The following KAZN variants were observed in gnomAD, a reference collection of about 807,000 sequenced individuals.
KAZN encodes kazrin.
Under a neutral mutation model 87.4 loss-of-function variants are expected in KAZN, and 40 were observed. That is an observed-to-expected ratio of 0.46 (90% CI 0.36 to 0.60). KAZN has a LOEUF of 0.60. KAZN is among the 20% of genes least tolerant of loss of function. The pLI, the probability that KAZN is intolerant of heterozygous loss-of-function variation, is 0.00. For synonymous variants in KAZN, 466 were observed against 458.3 expected, an observed-to-expected ratio of 1.02 and a Z score of -0.22; for missense variants, 898 against 1,073.9, an observed-to-expected ratio of 0.84 and a Z score of 2.29.
intron 2 of KAZN, among the ~76,000 whole-genome samples, chr1:14,211,949 G>A (rs1292116692): frequency 1.3e-5 from 2 of 151,836 alleles, no homozygotes; most frequent in Non-Finnish European, 2.9e-5. Flanking sequence ...CCCCAGCCTG[G>A]TTCCCACATG....
chr1:14,957,715 C>G (rs1036497547), intron 1 of KAZN, among the ~76,000 whole-genome samples: 1 of 152,160 alleles, frequency 6.6e-6, no homozygotes, highest in African/African-American at 2.4e-5. Flanking sequence ...CACAGCTCTG[C>G]GGAGGCCCTG....
intron 2 of KAZN, among the ~76,000 whole-genome samples, chr1:14,412,763 T>C (rs1664409501): frequency 6.6e-6 from 1 of 151,588 alleles, no homozygotes; most frequent in Non-Finnish European, 1.5e-5. Context: ...AAAATAATTT[T>C]TCATGGAAGT....
At position 14,667,806 on chromosome 1, in the gene KAZN, CAA is replaced by C. The variant is rs33915856; in HGVS notation, c.226+68597_226+68598del. On this transcript the variant is annotated intron_variant, in intron 1 of 14. Coordinates refer to ENST00000376030, the MANE Select transcript of KAZN (RefSeq NM_201628.3). ...ACCCTCTTTTATGTAGATGAGTTCTCAAAAAAAAAAAAAAAGAATGAAAATAA... is the reference window on the plus strand; with the variant it reads ...ACCCTCTTTTATGTAGATGAGTTCTCAAAAAAAAAAAAAGAATGAAAATAA... 8.5e-3 allele frequency among the ~76,000 whole-genome samples: 981 copies of C among 115,748 alleles called. 11 individuals carry two copies. The highest frequency in any genetic ancestry group is 0.028 in the African/African-American group (873 of 31,562). 75.9% of individuals were successfully genotyped at this position (115,748 alleles called of 152,430 possible). A position where few individuals can be genotyped will look rare whatever the true frequency, so the allele number is the denominator to read the frequency against.
chr1:13,944,163 T>A (rs1641046833), intron 1 of KAZN, among the ~76,000 whole-genome samples: 1 of 152,182 alleles, frequency 6.6e-6, no homozygotes, highest in African/African-American at 2.4e-5. Context: ...GTGTGGCATA[T>A]CATACAATGG....
intron 1 of KAZN, among the ~76,000 whole-genome samples, chr1:14,734,773 G>A (rs1045848782): frequency 2.0e-5 from 3 of 152,196 alleles, no homozygotes; most frequent in Non-Finnish European, 4.4e-5. Context: ...CAAGCCCACC[G>A]TGATAACTTT....
chr1:14,494,210 A>G (rs1178939862), intron 2 of KAZN, among the ~76,000 whole-genome samples: 1 of 152,222 alleles, frequency 6.6e-6, no homozygotes, highest in Non-Finnish European at 1.5e-5. Flanking sequence ...CATAGATGAT[A>G]GAATCAAATG....
intron 2 of KAZN, among the ~76,000 whole-genome samples, chr1:14,563,520 C>A (rs35069713): frequency 0.16 from 24,269 of 152,176 alleles, 1,985 homozygotes; most frequent in Admixed American, 0.19. Context: ...CTGTCCCAAA[C>A]CTATCATGGC....
intron 2 of KAZN, among the ~76,000 whole-genome samples, chr1:14,198,671 T>C (rs1646578337): frequency 6.6e-6 from 1 of 152,252 alleles, no homozygotes; most frequent in Non-Finnish European, 1.5e-5. Flanking sequence ...TAAGAAGATA[T>C]CAGATTTGTG....
At position 14,955,298 on chromosome 1, in the gene KAZN, G is replaced by C. The variant is rs114741564; in HGVS notation, c.227-5386G>C. Among the ~76,000 whole-genome samples the C allele has an allele frequency of 4.1e-3, 626 of 152,372 alleles. 6 individuals carry two copies. The highest frequency in any genetic ancestry group is 0.014 in the African/African-American group (599 of 41,594). On this transcript the variant is annotated intron_variant, in intron 1 of 14. Coordinates refer to ENST00000376030, the MANE Select transcript of KAZN (RefSeq NM_201628.3). ...AGGCACATGTAAGCGCTTTACGCAT[G>C]TCTTATTTATTCCCATCTCCCCCGT...
chr1:14,987,557 C>T (rs1666949366), intron 2 of KAZN, among the ~76,000 whole-genome samples: 1 of 151,970 alleles, frequency 6.6e-6, no homozygotes, highest in African/African-American at 2.4e-5. Flanking sequence ...GGGAAGGAGG[C>T]CCCCGGAGCT....
At chr1:14,595,799 G>A (rs1021773326), upstream of KAZN, among the ~76,000 whole-genome samples, 3 of 151,862 alleles carry the variant, frequency 2.0e-5, no homozygotes, top group African/African-American at 7.3e-5. Context: ...CTAAGATCTA[G>A]TCCTTTGGTG....
intron 2 of KAZN, among the ~76,000 whole-genome samples, chr1:14,453,599 G>A (rs1349423078): frequency 6.6e-6 from 1 of 152,142 alleles, no homozygotes; most frequent in African/African-American, 2.4e-5. Context: ...ACTTTGGGAG[G>A]CCAAGGTGGG....
chr1:13,957,743 A>G (rs1641598146), intron 1 of KAZN, among the ~76,000 whole-genome samples: 1 of 152,102 alleles, frequency 6.6e-6, no homozygotes, highest in Non-Finnish European at 1.5e-5. Flanking sequence ...AGTGAGTGAG[A>G]CAGTGAGAAC....
At chr1:14,410,353 C>T (rs534236967) in intron 2 of KAZN, among the ~76,000 whole-genome samples, 6 of 152,304 alleles carry the variant, frequency 3.9e-5, no homozygotes, top group Non-Finnish European at 5.9e-5. Context: ...CCACCCACCT[C>T]GGCCTTCCAA....
Position 14,376,436 on chromosome 1 carries a change from C to T in KAZN, c.249+195844C>T, listed in dbSNP as rs544011540. Among the ~76,000 whole-genome samples, 16 of 152,102 alleles carry T rather than the reference C, an allele frequency of 1.1e-4. No homozygotes were observed. In the South Asian group the frequency reaches 3.3e-3, roughly 32 times the overall value. ...AGATTAGTTATTGTGGGAGTGGGTT[C>T]CTGATAAAAAGGATGAGTTCAGCCT... On this transcript the variant is annotated intron_variant, in intron 2 of 16. Transcript: ENST00000636203.
At chr1:14,530,786 T>C (rs922516213) in intron 2 of KAZN, among the ~76,000 whole-genome samples, 4 of 152,162 alleles carry the variant, frequency 2.6e-5, no homozygotes, top group African/African-American at 4.8e-5. Context: ...CTTTTCCTTA[T>C]AAATTACCCA....
intron 3 of KAZN, among the ~76,000 whole-genome samples, chr1:15,035,304 C>T (rs1672150284): frequency 6.6e-6 from 1 of 152,220 alleles, no homozygotes; most frequent in African/African-American, 2.4e-5. Flanking sequence ...CAATAAGACG[C>T]ATAGCTAACA....
At chr1:13,932,226 A>G (rs1640545151) in intron 1 of KAZN, among the ~76,000 whole-genome samples, 3 of 150,316 alleles carry the variant, frequency 2.0e-5, no homozygotes, top group Non-Finnish European at 3.0e-5. Flanking sequence ...ATTCACTTAT[A>G]TGAGCGGGGT....
chr1:14,535,608 G>A (rs1285766174), intron 2 of KAZN, among the ~76,000 whole-genome samples: 1 of 151,694 alleles, frequency 6.6e-6, no homozygotes, highest in Admixed American at 6.6e-5. Context: ...GGGGGTTGCA[G>A]TAAGCCAAGA....
Sources: gnomAD v4.1 joint callset for allele counts (sites outside exome capture counted in the v4.1 genomes callset) on GRCh38, gnomAD v4.1.1 for gene constraint, MANE v1.5 for transcripts, NCBI Gene and HGNC (gene_info 2026-07-23, HGNC 2026-07-21) for gene names.